Variants in RERE observed in about 807,000 individuals in gnomAD.
The protein encoded by RERE is arginine-glutamic acid dipeptide repeats.
RERE carries 40 observed loss-of-function variants against 146.1 expected under a neutral mutation model. The ratio of observed to expected loss-of-function variants is 0.27; its 90% CI spans 0.21 to 0.36. The LOEUF (loss-of-function observed/expected upper bound fraction) is 0.36, where lower values mean the gene tolerates loss of function less well. Ranked by LOEUF, RERE falls within the 10% of genes least tolerant of loss-of-function variation. The probability of loss-of-function intolerance (pLI) is 1.00; values close to 1 mark genes in which losing one functional copy is unlikely to be tolerated. For missense variants in RERE, 1,933 were observed against 2,138.7 expected, an observed-to-expected ratio of 0.90 and a Z score of 1.90; for synonymous variants, 1,003 against 866.0, an observed-to-expected ratio of 1.16 and a Z score of -2.78.
chr1:8,810,300 T>C (rs1024404368), intron 1 of RERE, among the ~76,000 whole-genome samples: 9 of 150,888 alleles, frequency 6.0e-5, no homozygotes, highest in South Asian at 2.2e-4. Flanking sequence ...GCGCCTGGCC[T>C]AAAGTTATTT....
chr1:8,453,817 ATTT>A (rs1553168624), intron 11 of RERE, among the ~76,000 whole-genome samples: 7 of 151,146 alleles, frequency 4.6e-5, no homozygotes, highest in African/African-American at 1.5e-4. Flanking sequence ...TCAAAAAAAA[ATTT>A]TTTTTTAATT....
chr1:8,774,149 G>A (rs1188799466), intron 1 of RERE, among the ~76,000 whole-genome samples: 3 of 151,996 alleles, frequency 2.0e-5, no homozygotes, highest in Non-Finnish European at 4.4e-5. Context: ...TTCATTCGAG[G>A]CATCCCATTC....
At chr1:8,759,719 T>C (rs986737935) in intron 1 of RERE, among the ~76,000 whole-genome samples, 1 of 152,032 alleles carries the variant, frequency 6.6e-6, no homozygotes, top group Non-Finnish European at 1.5e-5. Flanking sequence ...AAAACAGCCA[T>C]AAAGAACTTA....
At chr1:8,689,766 G>C (rs1639170234) in intron 1 of RERE, among the ~76,000 whole-genome samples, 1 of 147,728 alleles carries the variant, frequency 6.8e-6, no homozygotes, top group African/African-American at 2.5e-5. Flanking sequence ...AGGAGCAATG[G>C]ATACAGGAAA....
intron 4 of RERE, among the ~76,000 whole-genome samples, chr1:8,557,900 TAG>T (rs1393210669): frequency 2.6e-5 from 4 of 152,218 alleles, no homozygotes; most frequent in Non-Finnish European, 4.4e-5. Flanking sequence ...GGTAAATATT[TAG>T]AGTCAGTGTT....
At chr1:8,549,999 GAAC>G (rs920013706) in intron 6 of RERE, among the ~76,000 whole-genome samples, 5 of 152,160 alleles carry the variant, frequency 3.3e-5, no homozygotes, top group African/African-American at 1.2e-4. Flanking sequence ...TAAGATCCTA[GAAC>G]AACAACGAGG....
Position 8,547,214 on chromosome 1 carries a change from A to G in RERE, c.726-5896T>C, listed in dbSNP as rs75200422. Among the ~76,000 whole-genome samples, 715 of 152,310 alleles carry G rather than the reference A, an allele frequency of 4.7e-3. 3 individuals are homozygous for G. The highest frequency in any genetic ancestry group is 0.017 in the African/African-American group (688 of 41,574). On this transcript the variant is annotated intron_variant, in intron 6 of 22. Transcript: ENST00000400908. ...AGTGTAGTGCTGACACATAGACAAT[A>G]GAACAACAAAACAAAAAAGCAAGTA...
intron 1 of RERE, among the ~76,000 whole-genome samples, chr1:8,755,254 T>C (rs184462139): frequency 5.9e-5 from 9 of 152,320 alleles, no homozygotes; most frequent in African/African-American, 2.2e-4. Context: ...TGAAGCTAAA[T>C]ACAGTCAAAA....
At chr1:8,359,492 A>G (rs1641460346) in intron 19 of RERE, among the ~76,000 whole-genome samples, 2 of 152,292 alleles carry the variant, frequency 1.3e-5, no homozygotes, top group South Asian at 4.1e-4. Flanking sequence ...GCTGCAGGAG[A>G]AGGACAGGCC....
chr1:8,758,616 A>G (rs916970772), intron 1 of RERE, among the ~76,000 whole-genome samples: 3 of 151,738 alleles, frequency 2.0e-5, no homozygotes, highest in Non-Finnish European at 1.5e-5. Context: ...TCGAATTCCT[A>G]GGATCAAGGG....
chr1:8,622,485 TTAAAAAAAAA>T (rs1464045155), intron 3 of RERE, among the ~76,000 whole-genome samples: 21 of 69,420 alleles, frequency 3.0e-4, no homozygotes, highest in East Asian at 6.9e-4. Context: ...CTGTATCTGT[TTAAAAAAAAA>T]AAAAAAAAAA....
At chr1:8,578,293 T>C (rs1018182680) in intron 4 of RERE, among the ~76,000 whole-genome samples, 1 of 152,200 alleles carries the variant, frequency 6.6e-6, no homozygotes, top group Admixed American at 6.5e-5. Flanking sequence ...AAAGTATTGA[T>C]GGCAGACCTC....
intron 1 of RERE, among the ~76,000 whole-genome samples, chr1:8,689,128 T>G (rs1639153667): frequency 6.6e-6 from 1 of 152,154 alleles, no homozygotes; most frequent in Non-Finnish European, 1.5e-5. Flanking sequence ...GTTTCTTTGT[T>G]GAAATTTCAA....
At chr1:8,398,113 A>T (rs1356991041) in intron 12 of RERE, among the ~76,000 whole-genome samples, 2 of 152,228 alleles carry the variant, frequency 1.3e-5, no homozygotes, top group Non-Finnish European at 2.9e-5. Flanking sequence ...TTAGAGAAAG[A>T]TTAATGAAGG....
chr1:8,444,195 C>G (rs2124021513), intron 11 of RERE, among the ~76,000 whole-genome samples: 1 of 152,304 alleles, frequency 6.6e-6, no homozygotes, highest in African/African-American at 2.4e-5. Flanking sequence ...GAGCCTGCCC[C>G]TCATCAGTTT....
At chr1:8,510,828 G>A (rs1177006332) in intron 7 of RERE, among the ~76,000 whole-genome samples, 1 of 152,186 alleles carries the variant, frequency 6.6e-6, no homozygotes, top group Non-Finnish European at 1.5e-5. Context: ...CAGAAGGTCT[G>A]TTACTCTGGA....
intron 12 of RERE, among the ~76,000 whole-genome samples, chr1:8,385,486 G>C (rs533031772): frequency 6.6e-6 from 1 of 152,092 alleles, no homozygotes; most frequent in Admixed American, 6.5e-5. Flanking sequence ...AGGCTACCAC[G>C]GAGTTTTAAA....
intron 12 of RERE, among the ~76,000 whole-genome samples, chr1:8,407,682 C>T (rs145751354): frequency 2.2e-4 from 33 of 152,194 alleles, no homozygotes; most frequent in African/African-American, 6.7e-4. Context: ...TGGCAGCCCC[C>T]GTAGACTTAT....
chr1:8,767,344 T>C (rs1640867501), intron 1 of RERE, among the ~76,000 whole-genome samples: 1 of 152,208 alleles, frequency 6.6e-6, no homozygotes, highest in East Asian at 1.9e-4. Flanking sequence ...GGCTCATGCC[T>C]GTAATCCCAA....
Sources: gnomAD v4.1 joint callset for allele counts (sites outside exome capture counted in the v4.1 genomes callset) on GRCh38, gnomAD v4.1.1 for gene constraint, MANE v1.5 for transcripts, NCBI Gene and HGNC (gene_info 2026-07-23, HGNC 2026-07-21) for gene names.